MAX: variants seen among roughly 807,000 people sequenced by gnomAD.
MAX encodes the protein protein max.
Under a neutral mutation model 22.3 loss-of-function variants are expected in MAX, and 3 were observed. The ratio of observed to expected loss-of-function variants is 0.13; its 90% confidence interval spans 0.06 to 0.35. The LOEUF is 0.35. Among genes scored for constraint, MAX ranks in the 10% least tolerant of loss-of-function variants. MAX has a pLI of 1.00. For synonymous variants in MAX, 72 were observed against 77.7 expected, an observed-to-expected ratio of 0.93 and a Z score of 0.39; for missense variants, 119 against 209.4, an observed-to-expected ratio of 0.57 and a Z score of 2.66.
chr14:65,086,754 C>T (rs200021792), intron 3 of MAX, among the ~76,000 whole-genome samples: 4 of 152,168 alleles, frequency 2.6e-5, no homozygotes, highest in Admixed American at 6.5e-5. Flanking sequence ...AAAAGAAAAT[C>T]CCATTTTCTG....
intron 3 of MAX, chr14:65,022,119 G>C (rs548776583): frequency 8.8e-6 from 4 of 454,804 alleles, no homozygotes; most frequent in East Asian, 7.0e-5. Flanking sequence ...ATTCTACCTA[G>C]GGAAGGAGAT....
chr14:65,025,772 T>C (rs1478384047), intron 3 of MAX, among the ~76,000 whole-genome samples: 5 of 152,210 alleles, frequency 3.3e-5, no homozygotes, highest in Non-Finnish European at 5.9e-5. Flanking sequence ...GCCGTGATTA[T>C]GCCGCTGTCC....
rs2061650888 is a variant in MAX, at chr14:65,009,412, GT to G, written c.172-3129del. ...TAGATTCCCTAACACACCCACCACC[GT>G]GGCCACTCCACAGCTCTCCCACCAT... On this transcript the variant is annotated intron_variant, in intron 3 of 3. Coordinates refer to the MAX transcript ENST00000341653. This position sits in a 1 kb window ranked among gnomAD's most constrained non-coding sequence, Gnocchi z 4.2. 6.6e-6 allele frequency among the ~76,000 whole-genome samples: 1 copy of G among 151,986 alleles called. No individual in the cohort carries two copies. Among genetic ancestry groups the G allele is most frequent in the Non-Finnish European group, 1.5e-5 (1 of 67,996 alleles).
chr14:65,013,839 C>T (rs1239988087), intron 3 of MAX, among the ~76,000 whole-genome samples: 1 of 152,202 alleles, frequency 6.6e-6, no homozygotes, highest in African/African-American at 2.4e-5. Flanking sequence ...TGAGCTACTG[C>T]GCCCAGTTGC....
chr14:65,037,636 G>A (rs993379374), intron 3 of MAX, among the ~76,000 whole-genome samples: 3 of 149,356 alleles, frequency 2.0e-5, no homozygotes. Flanking sequence ...CATTGCCCAG[G>A]TTGGTCTCAA....
At chr14:65,073,227 G>T (rs576240420), downstream of MAX, among the ~76,000 whole-genome samples, 1 of 152,200 alleles carries the variant, frequency 6.6e-6, no homozygotes, top group Non-Finnish European at 1.5e-5. Flanking sequence ...AGACAGGACT[G>T]TGAACCCAGC....
Position 65,063,273 on chromosome 14 carries a change from C to T in MAX, c.171+30435G>A, listed in dbSNP as rs2062896666. 2.0e-5 allele frequency among the ~76,000 whole-genome samples: 3 copies of T among 152,228 alleles called. No individual in the cohort carries two copies. The East Asian group carries it at 5.8e-4, about 29-fold the overall frequency. ...CACTGCAAGGCAACATATTGAAATG[C>T]ATCCTTTCCATCACTATAACAAAAG... is the stretch of plus-strand genomic sequence containing the variant. On this transcript the variant is annotated intron_variant, in intron 3 of 3. Transcript: ENST00000341653.
At chr14:65,020,470 G>T (rs2061864598) in intron 3 of MAX, among the ~76,000 whole-genome samples, 1 of 151,966 alleles carries the variant, frequency 6.6e-6, no homozygotes, top group African/African-American at 2.4e-5. Context: ...CTGTTGCCCA[G>T]ACTGGAGTGC....
chr14:65,100,574 C>T (rs535249428), intron 2 of MAX, among the ~76,000 whole-genome samples: 8 of 152,302 alleles, frequency 5.3e-5, no homozygotes, highest in African/African-American at 1.7e-4. Flanking sequence ...CTCTCCAGTA[C>T]CCAAGCCCTC....
At position 65,084,334 on chromosome 14, in the gene MAX, C is replaced by T. The variant is rs948093183; in HGVS notation, c.172-6298G>A. 2.4e-6 allele frequency: 3 copies of T among 1,228,934 alleles called. No homozygotes were observed. In the African/African-American group the frequency reaches 4.5e-5, roughly 18 times the overall value. The allele number at this position is 1,228,934 out of a possible 1,614,324, so 76.1% of individuals were successfully genotyped here. A position where few individuals can be genotyped will look rare whatever the true frequency, so the allele number is the denominator to read the frequency against. Reference sequence around the variant, plus strand: ...AAACATGTGGAAAAGCAATTAATTTCACAAGTAATAAATAGAATACAAAAT... The same window carrying T: ...AAACATGTGGAAAAGCAATTAATTTTACAAGTAATAAATAGAATACAAAAT... On this transcript the variant is annotated intron_variant, in intron 3 of 4. Transcript: ENST00000358664. The surrounding 1 kb of genome is among the most constrained non-coding windows in gnomAD (Gnocchi z 4.3).
In MAX at chr14:65,075,776, C is replaced by A. The variant is rs139403325; in HGVS notation, c.*700G>T. On this transcript the variant is annotated 3_prime_UTR_variant, in exon 5 of 5. Coordinates refer to ENST00000358664, the MANE Select transcript of MAX (RefSeq NM_002382.5). This position sits in a 1 kb window ranked among gnomAD's most constrained non-coding sequence, Gnocchi z 4.1. ...CTGCTGCCATCTCCCATACATACCA[C>A]GAGAGTGTCACACGGCCCTCCGTGA... The A allele has an allele frequency of 1.1e-3, 1,185 of 1,066,602 alleles. 4 individuals are homozygous for A. Among genetic ancestry groups the A allele is most frequent in the African/African-American group, 7.5e-3 (457 of 61,190 alleles). The allele number at this position is 1,066,602 out of a possible 1,614,324, so 66.1% of individuals were successfully genotyped here. A position where few individuals can be genotyped will look rare whatever the true frequency, so the allele number is the denominator to read the frequency against.
At chr14:65,099,733 A>G (rs2063778552) in intron 2 of MAX, among the ~76,000 whole-genome samples, 1 of 152,044 alleles carries the variant, frequency 6.6e-6, no homozygotes, top group African/African-American at 2.4e-5. Flanking sequence ...CTAGGCCCCA[A>G]ACATGAAGGA....
Position 65,054,793 on chromosome 14 carries a change from C to A in MAX, c.171+38915G>T. 2.3e-6 allele frequency: 3 copies of A among 1,295,204 alleles called. No individual in the cohort carries two copies. Among genetic ancestry groups the A allele is most frequent in the Middle Eastern group, 2.4e-4 (1 of 4,158 alleles). 80.2% of individuals were successfully genotyped at this position (1,295,204 alleles called of 1,614,324 possible). A position where few individuals can be genotyped will look rare whatever the true frequency, so the allele number is the denominator to read the frequency against. ...GCTCTGCATTTCCTGTGTGGACAGG[C>A]GGAAGCTTGTGGTCCCTCTGCCCTT... On this transcript the variant is annotated intron_variant, in intron 3 of 3. Coordinates refer to the MAX transcript ENST00000341653. This position sits in a 1 kb window ranked among gnomAD's most constrained non-coding sequence, Gnocchi z 4.4.
rs1332866926 is a variant in MAX, at chr14:65,093,673, A to G, written c.171+35T>C. ...GCTCTGCAACAAGTTCCAAGCTAGT[A>G]GTGGCCAGCTACTCAGCTTTCTCAG... On this transcript the variant is annotated intron_variant, in intron 3 of 4. Transcript: ENST00000358664. This position sits in a 1 kb window ranked among gnomAD's most constrained non-coding sequence, Gnocchi z 4.4. 2.7e-6 allele frequency: 3 copies of G among 1,103,548 alleles called. No individual in the cohort carries two copies. The highest frequency in any genetic ancestry group is 4.7e-5 in the East Asian group (2 of 42,680). The allele number at this position is 1,103,548 out of a possible 1,614,324, so 68.4% of individuals were successfully genotyped here. A position where few individuals can be genotyped will look rare whatever the true frequency, so the allele number is the denominator to read the frequency against.
Position 65,078,096 on chromosome 14 carries a change from G to A in MAX, c.172-60C>T. The A allele has an allele frequency of 1.2e-6, 2 of 1,607,850 alleles. No individual in the cohort carries two copies. Among genetic ancestry groups the A allele is most frequent in the East Asian group, 2.2e-5 (1 of 44,850 alleles). On this transcript the variant is annotated intron_variant, in intron 3 of 4. Coordinates refer to ENST00000358664, the MANE Select transcript of MAX (RefSeq NM_002382.5). The surrounding 1 kb of genome is among the most constrained non-coding windows in gnomAD (Gnocchi z 6.4). ...ATAAAAACCCAATCCAGGCAGTGAG[G>A]GAACCTGGCCTGCAGCAACTGCTTG... is the stretch of plus-strand genomic sequence containing the variant.
chr14:65,076,357 A>G lies in MAX; in HGVS notation c.*119T>C. The G allele has an allele frequency of 5.2e-6, 8 of 1,550,484 alleles. No homozygotes were observed. The highest frequency in any genetic ancestry group is 6.1e-6 in the Non-Finnish European group (7 of 1,152,004). On this transcript the variant is annotated 3_prime_UTR_variant, in exon 5 of 5. Coordinates refer to ENST00000358664, the MANE Select transcript of MAX (RefSeq NM_002382.5). The surrounding 1 kb of genome is among the most constrained non-coding windows in gnomAD (Gnocchi z 6.6). ...GTAAAAATAAAAATTTAAAAAAAAA[A>G]GGGAGAAAGAGAAAAATAAAGAGTC...
intron 3 of MAX, among the ~76,000 whole-genome samples, chr14:65,092,914 C>T (rs150674270): frequency 2.2e-4 from 33 of 152,352 alleles, no homozygotes; most frequent in African/African-American, 6.7e-4. Flanking sequence ...AGGTCCTCTT[C>T]CCAGCTTGCC....
At chr14:65,072,733 A>G (rs2063002243), downstream of MAX, among the ~76,000 whole-genome samples, 1 of 152,216 alleles carries the variant, frequency 6.6e-6, no homozygotes, top group Admixed American at 6.5e-5. Flanking sequence ...TGGGCCTCCA[A>G]AAGTGTCCAA....
At chr14:65,022,569 A>T (rs917966309) in intron 3 of MAX, among the ~76,000 whole-genome samples, 1 of 151,876 alleles carries the variant, frequency 6.6e-6, no homozygotes, top group Non-Finnish European at 1.5e-5. Context: ...GTCTCGCTGT[A>T]TTGCCTAAGC....
Sources: gnomAD v4.1 joint callset for allele counts (sites outside exome capture counted in the v4.1 genomes callset) on GRCh38, gnomAD v4.1.1 for gene constraint, Gnocchi (gnomAD v3.1) non-coding constraint, MANE v1.5 for transcripts, NCBI Gene and HGNC (gene_info 2026-07-23, HGNC 2026-07-21) for gene names.